GCNT2: variants seen among roughly 807,000 people sequenced by gnomAD.
GCNT2 encodes the protein glucosaminyl (N-acetyl) transferase 2 (I blood group).
GCNT2 carries 34 observed loss-of-function variants against 34.2 expected under a neutral mutation model. The observed-to-expected ratio is 1.00, with a 90% CI of 0.76 to 1.32. GCNT2 has a LOEUF of 1.32. Ranked by LOEUF, GCNT2 falls within the 40% of genes most tolerant of loss-of-function variation. The pLI, the probability that GCNT2 is intolerant of heterozygous loss-of-function variation, is 0.00. For missense variants in GCNT2, 584 were observed against 489.4 expected (o/e 1.19, Z -1.82); for synonymous variants, 212 against 188.0 (o/e 1.13, Z -1.04).
At chr6:10,562,218 T>TGGGTACAA (rs1763017605) in intron 3 of GCNT2, among the ~76,000 whole-genome samples, 1 of 152,158 alleles carries the variant, frequency 6.6e-6, no homozygotes, top group Non-Finnish European at 1.5e-5. Flanking sequence ...GGGACCTTGA[T>TGGGTACAA]GGGTACAACC....
chr6:10,596,823 T>G (rs1764873379), intron 3 of GCNT2, among the ~76,000 whole-genome samples: 1 of 152,192 alleles, frequency 6.6e-6, no homozygotes, highest in African/African-American at 2.4e-5. Flanking sequence ...TGAATGTATT[T>G]TCCATTACTG....
chr6:10,582,120 CATTT>C (rs1160238419), intron 3 of GCNT2, among the ~76,000 whole-genome samples: 3 of 138,776 alleles, frequency 2.2e-5, no homozygotes, highest in East Asian at 2.0e-4. Flanking sequence ...ATATAAAAAA[CATTT>C]ATAAATGCAT....
In GCNT2 at chr6:10,626,881, A is replaced by G; in HGVS notation, c.*274A>G. 1 of 432,964 alleles carries G rather than the reference A, an allele frequency of 2.3e-6. No individual in the cohort carries two copies. The highest frequency in any genetic ancestry group is 4.2e-6 in the Non-Finnish European group (1 of 235,572). The allele number at this position is 432,964 out of a possible 1,614,324, so 26.8% of individuals were successfully genotyped here. On this transcript the variant is annotated 3_prime_UTR_variant, in exon 5 of 5. Transcript: ENST00000495262. ...TATTAGTTTATTGTTAGGATCAATGATAAATTTAAATGACCTCAGATCTTT... is the reference window on the plus strand; with the variant it reads ...TATTAGTTTATTGTTAGGATCAATGGTAAATTTAAATGACCTCAGATCTTT...
rs1366833512 is a variant in GCNT2, at chr6:10,575,619, A to G, written c.926-45732A>G. Reference sequence around the variant, plus strand: ...CTGTGACTTGCACGTATATGCCCAGATGGCCTGAAGTAACTGAAGAATCAC... The same window carrying G: ...CTGTGACTTGCACGTATATGCCCAGGTGGCCTGAAGTAACTGAAGAATCAC... On this transcript the variant is annotated intron_variant, in intron 3 of 4. Coordinates refer to ENST00000495262, the MANE Select transcript of GCNT2 (RefSeq NM_145649.5). Among the ~76,000 whole-genome samples, 6 of 152,166 alleles carry G rather than the reference A, an allele frequency of 3.9e-5. No homozygotes were observed. The East Asian group carries it at 1.2e-3, about 29-fold the overall frequency.
chr6:10,556,241 T>A, intron 3 of GCNT2: 1 of 1,449,264 alleles, frequency 6.9e-7, no homozygotes, highest in African/African-American at 1.4e-5. Flanking sequence ...GGCTGTAATA[T>A]CGGCACAGGG....
At chr6:10,548,750 C>T (rs530545734) in intron 3 of GCNT2, among the ~76,000 whole-genome samples, 2 of 152,126 alleles carry the variant, frequency 1.3e-5, no homozygotes, top group East Asian at 3.9e-4. Context: ...GAGAGAAGAA[C>T]CCATATTTGG....
At chr6:10,586,251 C>A (rs779713259) in intron 3 of GCNT2, 1 of 1,614,192 alleles carries the variant, frequency 6.2e-7, no homozygotes, top group Non-Finnish European at 8.5e-7. Context: ...CACAAGTCCC[C>A]TGTCGGAAGA....
Position 10,529,719 on chromosome 6 carries a change from A to G in GCNT2, c.808A>G (p.Thr270Ala), listed in dbSNP as rs773715942. 6.2e-7 allele frequency: 1 copy of G among 1,613,976 alleles called. No homozygotes were observed. The highest frequency in any genetic ancestry group is 8.5e-7 in the Non-Finnish European group (1 of 1,179,868). The change falls in exon 3 of 5, where the codon ACA becomes GCA. Residue 270 changes from threonine (T) to alanine (A), a missense_variant. Physicochemically the swap from Thr to Ala is moderately conservative, Grantham distance 58 (BLOSUM62 0). Coordinates refer to ENST00000495262, the MANE Select transcript of GCNT2 (RefSeq NM_145649.5). ...CTTTGGCACGGCCTACGTGGCTCTCACAAGGGACTTTGCTAACTTCGTCCT... is the reference window on the plus strand; with the variant it reads ...CTTTGGCACGGCCTACGTGGCTCTCGCAAGGGACTTTGCTAACTTCGTCCT... ...IYFGTAYVAL[T>A]RDFANFVLQD... is the part of the protein sequence containing the mutation.
chr6:10,565,824 C>G (rs562298467), intron 3 of GCNT2, among the ~76,000 whole-genome samples: 1 of 152,116 alleles, frequency 6.6e-6, no homozygotes, highest in Admixed American at 6.5e-5. Flanking sequence ...TGTATAATTT[C>G]TTCCTAACTA....
At chr6:10,561,072 T>C (rs1231773616) in intron 3 of GCNT2, among the ~76,000 whole-genome samples, 1 of 152,238 alleles carries the variant, frequency 6.6e-6, no homozygotes, top group African/African-American at 2.4e-5. Context: ...TTATATTTTC[T>C]AACATCTCTG....
intron 3 of GCNT2, chr6:10,556,203 C>T (rs1762693692): frequency 2.8e-6 from 4 of 1,418,984 alleles, no homozygotes; most frequent in Non-Finnish European, 3.7e-6. Flanking sequence ...GGGATTTAAA[C>T]AAAGGAGGTT....
Position 10,529,311 on chromosome 6 carries a change from G to T in GCNT2, c.400G>T (p.Asp134Tyr). Residue 134 changes from aspartate (D) to tyrosine (Y), a missense_variant, in exon 3 of 5, where the codon GAT (aspartate) becomes TAT (tyrosine). Transcript: ENST00000495262. ...TGTGCACCTGGATCAGAAGGCGACGGATGCCTTTAAAGGTGCAGTGAAACA... is the reference window on the plus strand; with the variant it reads ...TGTGCACCTGGATCAGAAGGCGACGTATGCCTTTAAAGGTGCAGTGAAACA... ...YCVHLDQKAT[D>Y]AFKGAVKQLL... The T allele has an allele frequency of 1.2e-6, 2 of 1,614,078 alleles. No individual in the cohort carries two copies. The highest frequency in any genetic ancestry group is 1.7e-6 in the Non-Finnish European group (2 of 1,180,000).
intron 3 of GCNT2, among the ~76,000 whole-genome samples, chr6:10,596,739 A>G (rs1026169354): frequency 6.6e-6 from 1 of 152,034 alleles, no homozygotes; most frequent in Non-Finnish European, 1.5e-5. Flanking sequence ...TCTATTAAAA[A>G]AAAAAAAGAC....
At chr6:10,539,486 GC>G (rs753689869) in intron 3 of GCNT2, among the ~76,000 whole-genome samples, 29 of 152,134 alleles carry the variant, frequency 1.9e-4, no homozygotes, top group Admixed American at 6.5e-4. Flanking sequence ...ACTGCGCCCG[GC>G]CCCGCCATCT....
intron 3 of GCNT2, among the ~76,000 whole-genome samples, chr6:10,597,158 T>TC (rs1441851616): frequency 3.4e-5 from 5 of 148,762 alleles, no homozygotes; most frequent in Non-Finnish European, 7.5e-5. Flanking sequence ...ATTGCCTTTT[T>TC]TTTTTTTTTT....
At chr6:10,604,162 G>A (rs1250858828) in intron 3 of GCNT2, among the ~76,000 whole-genome samples, 1 of 152,140 alleles carries the variant, frequency 6.6e-6, no homozygotes, top group African/African-American at 2.4e-5. Flanking sequence ...CTCCCAAAGT[G>A]CTGGGATTAC....
intron 1 of GCNT2, among the ~76,000 whole-genome samples, chr6:10,523,210 TC>T (rs1241507464): frequency 6.6e-6 from 1 of 151,604 alleles, no homozygotes; most frequent in Non-Finnish European, 1.5e-5. Context: ...TCACCTGAGA[TC>T]AGGAGTTCGA....
chr6:10,548,792 G>A (rs182848056), intron 3 of GCNT2, among the ~76,000 whole-genome samples: 52 of 150,590 alleles, frequency 3.5e-4, no homozygotes, highest in Non-Finnish European at 7.4e-4. Context: ...ACGAAGTCTC[G>A]CTGTCACCCA....
intron 3 of GCNT2, among the ~76,000 whole-genome samples, chr6:10,537,569 C>T (rs1310741073): frequency 2.0e-5 from 3 of 151,490 alleles, no homozygotes; most frequent in East Asian, 1.9e-4. Context: ...GGCGTGGTGG[C>T]GGGCACCTGT....
Sources: allele counts gnomAD v4.1 joint callset (sites outside exome capture counted in the v4.1 genomes callset), GRCh38; gene constraint gnomAD v4.1.1; transcripts MANE v1.5; gene names NCBI Gene and HGNC (gene_info 2026-07-23, HGNC 2026-07-21).